The following GALNT13 variants were observed in gnomAD, a reference collection of about 807,000 sequenced individuals.
GALNT13 encodes the protein UDP-GalNAc:polypeptide N-acetylgalactosaminyltransferase 13.
Under a neutral mutation model 64.2 loss-of-function variants are expected in GALNT13, and 28 were observed. The ratio of observed to expected loss-of-function variants is 0.44; its 90% CI spans 0.32 to 0.60. GALNT13 has a LOEUF of 0.60. Ranked by LOEUF, GALNT13 falls within the 20% of genes least tolerant of loss-of-function variation. The probability of loss-of-function intolerance (pLI) is 0.05; values close to 1 mark genes in which losing one functional copy is unlikely to be tolerated. For missense variants in GALNT13, 577 were observed against 669.8 expected, an observed-to-expected ratio of 0.86 and a Z score of 1.53; for synonymous variants, 214 against 224.6, an observed-to-expected ratio of 0.95 and a Z score of 0.42.
the GALNT13 span, among the ~76,000 whole-genome samples, chr2:153,182,631 A>C: frequency 6.6e-6 from 1 of 152,112 alleles, no homozygotes; most frequent in African/African-American, 2.4e-5. Context: ...GACAGGTCCC[A>C]GAGTGTGTTG....
intron 3 of GALNT13, among the ~76,000 whole-genome samples, chr2:153,984,028 T>C (rs527384574): frequency 7.2e-5 from 11 of 151,918 alleles, no homozygotes; most frequent in South Asian, 4.1e-4. Context: ...AATTTTAAAG[T>C]CTCTTTCTAT....
At chr2:153,438,556 C>T in the GALNT13 span, among the ~76,000 whole-genome samples, 28 of 152,150 alleles carry the variant, frequency 1.8e-4, no homozygotes, top group Non-Finnish European at 3.7e-4. Context: ...AACTTCTCTT[C>T]TTGCTTCATT....
At chr2:153,283,386 G>T in the GALNT13 span, among the ~76,000 whole-genome samples, 1 of 152,226 alleles carries the variant, frequency 6.6e-6, no homozygotes, top group Admixed American at 6.5e-5. Flanking sequence ...GAGTGCAGAG[G>T]ACCCTGCTGC....
the GALNT13 span, among the ~76,000 whole-genome samples, chr2:153,093,530 T>C: frequency 2.0e-5 from 3 of 152,200 alleles, no homozygotes; most frequent in East Asian, 5.8e-4. Context: ...TGAGCCACCG[T>C]GTGTGGCTGA....
chr2:153,888,041 A>G (rs908135555), intron 1 of GALNT13, among the ~76,000 whole-genome samples: 2 of 152,026 alleles, frequency 1.3e-5, no homozygotes, highest in Non-Finnish European at 1.5e-5. Context: ...GAAATAACAA[A>G]TTGTAATTGA....
the GALNT13 span, among the ~76,000 whole-genome samples, chr2:153,779,246 A>G: frequency 6.6e-6 from 1 of 152,106 alleles, no homozygotes; most frequent in South Asian, 2.1e-4. Flanking sequence ...CTATTTGTTA[A>G]AAGTTTGACT....
the GALNT13 span, among the ~76,000 whole-genome samples, chr2:153,624,123 CTT>C: frequency 6.6e-6 from 1 of 152,030 alleles, no homozygotes; most frequent in African/African-American, 2.4e-5. Flanking sequence ...ATTCCAGACT[CTT>C]TGTTGATTAT....
the GALNT13 span, among the ~76,000 whole-genome samples, chr2:153,170,727 T>G: frequency 6.6e-6 from 1 of 152,230 alleles, no homozygotes; most frequent in Admixed American, 6.5e-5. Flanking sequence ...CTAACAAATG[T>G]TACCTTATTT....
the GALNT13 span, among the ~76,000 whole-genome samples, chr2:153,345,052 A>G: frequency 6.6e-6 from 1 of 152,258 alleles, no homozygotes; most frequent in African/African-American, 2.4e-5. Context: ...ATGAATTTCA[A>G]TAAGACATTA....
intron 4 of GALNT13, among the ~76,000 whole-genome samples, chr2:154,236,656 G>A (rs778086761): frequency 6.6e-6 from 1 of 151,958 alleles, no homozygotes; most frequent in African/African-American, 2.4e-5. Flanking sequence ...CTTTCAAATT[G>A]ATGAAAATTG....
At chr2:153,407,551 C>T in the GALNT13 span, among the ~76,000 whole-genome samples, 9 of 152,242 alleles carry the variant, frequency 5.9e-5, no homozygotes, top group African/African-American at 1.9e-4. Context: ...TATTGCATAG[C>T]TCACATCTGC....
the GALNT13 span, chr2:153,478,041 TCTC>T: frequency 3.4e-6 from 2 of 592,452 alleles, no homozygotes; most frequent in Middle Eastern, 4.4e-4. Flanking sequence ...GTCTGGGCGC[TCTC>T]CTCCGACTGC....
At chr2:153,288,066 G>A in the GALNT13 span, among the ~76,000 whole-genome samples, 2 of 152,150 alleles carry the variant, frequency 1.3e-5, no homozygotes, top group Non-Finnish European at 2.9e-5. Flanking sequence ...ACTTTCTGGG[G>A]CATAGTTGGT....
chr2:154,326,752 A>C (rs995983275), intron 9 of GALNT13, among the ~76,000 whole-genome samples: 8 of 152,152 alleles, frequency 5.3e-5, no homozygotes, highest in South Asian at 2.1e-4. Flanking sequence ...CTGACCTAAG[A>C]ATCAAAATAG....
intron 3 of GALNT13, among the ~76,000 whole-genome samples, chr2:153,970,052 G>C (rs1693637031): frequency 6.6e-6 from 1 of 152,134 alleles, no homozygotes; most frequent in Non-Finnish European, 1.5e-5. Flanking sequence ...AGCATGCCAT[G>C]AATTCAAAGC....
At chr2:154,131,465 T>C (rs1195480082) in intron 3 of GALNT13, among the ~76,000 whole-genome samples, 1 of 152,198 alleles carries the variant, frequency 6.6e-6, no homozygotes, top group Non-Finnish European at 1.5e-5. Flanking sequence ...GAACAAATCG[T>C]ATTCCTTTAT....
At chr2:153,079,321 G>C in the GALNT13 span, among the ~76,000 whole-genome samples, 1 of 152,192 alleles carries the variant, frequency 6.6e-6, no homozygotes. Flanking sequence ...GTAAGAGAAA[G>C]TGCAGATTGC....
At chr2:154,018,508 G>T (rs1434595292) in intron 3 of GALNT13, among the ~76,000 whole-genome samples, 5 of 152,050 alleles carry the variant, frequency 3.3e-5, no homozygotes, top group Non-Finnish European at 7.4e-5. Context: ...TAGCTTGTGT[G>T]TATAGGAAAA....
chr2:153,828,625 C>T, the GALNT13 span, among the ~76,000 whole-genome samples: 894 of 152,188 alleles, frequency 5.9e-3, 9 homozygotes, highest in African/African-American at 0.02. Flanking sequence ...GGCCTCCAGT[C>T]GTGTGATGGA....
Sources: gnomAD v4.1 joint callset for allele counts (sites outside exome capture counted in the v4.1 genomes callset) on GRCh38, gnomAD v4.1.1 for gene constraint, MANE v1.5 for transcripts, NCBI Gene and HGNC (gene_info 2026-07-23, HGNC 2026-07-21) for gene names.